Variants in SLC22A9 observed in about 807,000 individuals in gnomAD.
SLC22A9 encodes organic anion transporter 7.
In SLC22A9, 64 loss-of-function variants were observed where a neutral mutation model predicts 50.1. The observed-to-expected ratio is 1.28, with a 90% CI of 1.04 to 1.57. The LOEUF (loss-of-function observed/expected upper bound fraction) is 1.57, where lower values mean the gene tolerates loss of function less well. SLC22A9 is among the 40% of genes most tolerant of loss of function. The pLI is 0.00. For synonymous variants in SLC22A9, 261 were observed against 242.5 expected, an observed-to-expected ratio of 1.08 and a Z score of -0.71; for missense variants, 757 against 676.1, an observed-to-expected ratio of 1.12 and a Z score of -1.33.
At position 63,369,986 on chromosome 11, in the gene SLC22A9, C is replaced by A. The variant is rs2014319062; in HGVS notation, c.-71C>A. 4.8e-6 allele frequency: 7 copies of A among 1,448,328 alleles called. No homozygotes were observed. In the East Asian group the frequency reaches 1.6e-4, roughly 33 times the overall value. The allele number at this position is 1,448,328 out of a possible 1,614,324, so 89.7% of individuals were successfully genotyped here. A position where few individuals can be genotyped will look rare whatever the true frequency, so the allele number is the denominator to read the frequency against. ...TTTAGTGTGACTTAGGGAAAGAAAA[C>A]ATTTTCCCTCTTTGAACCTCTCTGG... On this transcript the variant is annotated 5_prime_UTR_variant, in exon 1 of 10. Transcript: ENST00000279178.
At position 63,370,416 on chromosome 11, in the gene SLC22A9, G is replaced by T. The variant is rs1208179251; in HGVS notation, c.360G>T (p.Trp120Cys). 4 of 1,607,212 alleles carry T rather than the reference G, an allele frequency of 2.5e-6. No individual in the cohort carries two copies. Among genetic ancestry groups the T allele is most frequent in the African/African-American group, 2.7e-5 (2 of 74,696 alleles). ...ACATGGAGCCCTGTGTGGATGGCTGGGTGTATGACAGAATCTCCTTCTCAT... is the reference window on the plus strand; with the variant it reads ...ACATGGAGCCCTGTGTGGATGGCTGTGTGTATGACAGAATCTCCTTCTCAT... The part of the protein sequence containing the change: ...DADMEPCVDG[W>C]VYDRISFSST... The change falls in exon 1 of 10, where the codon TGG (tryptophan) becomes TGT (cysteine). Residue 120 changes from tryptophan to cysteine, a missense_variant. Coordinates refer to ENST00000279178, the MANE Select transcript of SLC22A9 (RefSeq NM_080866.3).
rs187366645 is a variant in SLC22A9, at chr11:63,393,680, G to A, written c.1073+11403G>A. Among the ~76,000 whole-genome samples, 4 of 152,134 alleles carry A rather than the reference G, an allele frequency of 2.6e-5. No individual in the cohort carries two copies. In the East Asian group the frequency reaches 7.7e-4, roughly 29 times the overall value. ...GTGCTTTTCCTGCTGTTAGTCTGAT[G>A]GGGTTCCCTTTGTGGGTAACCCGAA... On this transcript the variant is annotated intron_variant, in intron 6 of 9. Transcript: ENST00000279178.
At chr11:63,385,170 T>C (rs1244227011) in intron 6 of SLC22A9, among the ~76,000 whole-genome samples, 1 of 127,642 alleles carries the variant, frequency 7.8e-6, no homozygotes, top group Non-Finnish European at 1.7e-5. Context: ...CTATGGCCAA[T>C]TTTTTTTTTG....
rs368698994 is a variant in SLC22A9, at chr11:63,370,463, G to A, written c.402+5G>A. The A allele has an allele frequency of 6.4e-7, 1 of 1,573,486 alleles. No homozygotes were observed. The highest frequency in any genetic ancestry group is 1.2e-5 in the South Asian group (1 of 82,368). On this transcript the variant is annotated splice_donor_5th_base_variant and intron_variant, in intron 1 of 9. Coordinates refer to ENST00000279178, the MANE Select transcript of SLC22A9 (RefSeq NM_080866.3). ...TCATCCACCATCGTGACTGAGGTAA[G>A]AGGCTCTGTTCTCGTCTCATGAGTA...
In SLC22A9 at chr11:63,370,375, A is replaced by C. The variant is rs368415634; in HGVS notation, c.319A>C (p.Asn107His). The C allele has an allele frequency of 1.2e-6, 2 of 1,613,924 alleles. No homozygotes were observed. Among genetic ancestry groups the C allele is most frequent in the Non-Finnish European group, 1.7e-6 (2 of 1,179,834 alleles). ...CCTTCACCTGAATGGGACCTTCCCC[A>C]ACACAAGTGACGCAGACATGGAGCC... is the stretch of plus-strand genomic sequence containing the variant. Reference protein sequence around the residue: ...QLLHLNGTFPNTSDADMEPCV... With the variant: ...QLLHLNGTFPHTSDADMEPCV... Residue 107 changes from asparagine (N) to histidine (H), a missense_variant, in exon 1 of 10, where the codon AAC (asparagine) becomes CAC (histidine). Physicochemically the swap from Asn to His is moderately conservative, Grantham distance 68 (BLOSUM62 1). Coordinates refer to ENST00000279178, the MANE Select transcript of SLC22A9 (RefSeq NM_080866.3).
At position 63,408,764 on chromosome 11, in the gene SLC22A9, C is replaced by A; in HGVS notation, c.1486C>A (p.Pro496Thr). Reference sequence around the variant, plus strand: ...GATGATCCTAAGTGTGTATTCTCCACCCCTGCCCTGGATCATCTATGGAGT... The same window carrying A: ...GATGATCCTAAGTGTGTATTCTCCAACCCTGCCCTGGATCATCTATGGAGT... Reference protein sequence around the residue: ...LMMILSVYSPPLPWIIYGVFP... With the variant: ...LMMILSVYSPTLPWIIYGVFP... Residue 496 changes from proline (P) to threonine (T), a missense_variant, in exon 9 of 10, where the codon CCC (proline) becomes ACC (threonine). Pro to Thr is a conservative substitution (Grantham distance 38). Coordinates refer to ENST00000279178, the MANE Select transcript of SLC22A9 (RefSeq NM_080866.3). The A allele has an allele frequency of 6.2e-7, 1 of 1,614,002 alleles. No homozygotes were observed. Among genetic ancestry groups the A allele is most frequent in the Non-Finnish European group, 8.5e-7 (1 of 1,179,934 alleles).
intron 6 of SLC22A9, among the ~76,000 whole-genome samples, chr11:63,386,634 A>T (rs2014674266): frequency 6.6e-6 from 1 of 151,132 alleles, no homozygotes; most frequent in African/African-American, 2.4e-5. Flanking sequence ...GTATCCTCTG[A>T]TGGTAGTTTG....
Position 63,385,933 on chromosome 11 carries a change from T to C in SLC22A9, c.1073+3656T>C, listed in dbSNP as rs1481626324. ...CAGAATGATATTGTCTGTGGGTCTGTCATAAATGGCTCTTATAATTTTAAG... is the reference window on the plus strand; with the variant it reads ...CAGAATGATATTGTCTGTGGGTCTGCCATAAATGGCTCTTATAATTTTAAG... On this transcript the variant is annotated intron_variant, in intron 6 of 9. Transcript: ENST00000279178. 3.3e-5 allele frequency among the ~76,000 whole-genome samples: 5 copies of C among 152,312 alleles called. No individual in the cohort carries two copies. In the South Asian group the frequency reaches 8.3e-4, roughly 25 times the overall value.
At chr11:63,397,425 C>T (rs2014878391) in intron 6 of SLC22A9, among the ~76,000 whole-genome samples, 1 of 152,142 alleles carries the variant, frequency 6.6e-6, no homozygotes, top group Admixed American at 6.6e-5. Context: ...CTACAGTCAG[C>T]AGTTGTCAAA....
intron 4 of SLC22A9, among the ~76,000 whole-genome samples, chr11:63,374,801 A>G (rs79454750): frequency 0.016 from 2,413 of 152,250 alleles, 63 homozygotes; most frequent in African/African-American, 0.056. Context: ...TATTGGATGA[A>G]AAGAAGGTGT....
At chr11:63,407,324 A>C (rs1225540915) in intron 7 of SLC22A9, among the ~76,000 whole-genome samples, 2 of 152,166 alleles carry the variant, frequency 1.3e-5, no homozygotes, top group Non-Finnish European at 2.9e-5. Flanking sequence ...AAATTAACTG[A>C]TCATATGTAA....
chr11:63,389,942 G>T (rs1308403157), intron 6 of SLC22A9, among the ~76,000 whole-genome samples: 1 of 152,148 alleles, frequency 6.6e-6, no homozygotes, highest in Non-Finnish European at 1.5e-5. Flanking sequence ...GTGATGATAA[G>T]CTTTTTTTCA....
At chr11:63,398,796 CACTTT>C (rs1271668870) in intron 6 of SLC22A9, among the ~76,000 whole-genome samples, 17 of 152,168 alleles carry the variant, frequency 1.1e-4, no homozygotes, top group African/African-American at 4.1e-4. Flanking sequence ...TGTGATCTCC[CACTTT>C]ATTTTTGGCT....
intron 6 of SLC22A9, 99 bp from the exon 7 acceptor site, chr11:63,406,398 C>A: frequency 9.4e-7 from 1 of 1,066,902 alleles, no homozygotes; most frequent in South Asian, 1.5e-5. Context: ...AGCCTTTATA[C>A]TTTAACAATC....
chr11:63,397,420 G>T (rs75155671), intron 6 of SLC22A9, among the ~76,000 whole-genome samples: 1,968 of 152,234 alleles, frequency 0.013, 42 homozygotes, highest in African/African-American at 0.045. Context: ...GGGCTCTACA[G>T]TCAGCAGTTG....
rs71065364 is a variant in SLC22A9, at chr11:63,386,434, C to CTTTTTTTTTTTTTTTT, written c.1073+4176_1073+4191dup. Among the ~76,000 whole-genome samples the CTTTTTTTTTTTTTTTT allele has an allele frequency of 7.8e-4, 26 of 33,506 alleles. 4 individuals carry two copies. The highest frequency in any genetic ancestry group is 4.3e-3 in the African/African-American group (24 of 5,634). The allele number at this position is 33,506 out of a possible 152,430, so 22.0% of individuals were successfully genotyped here. A position where few individuals can be genotyped will look rare whatever the true frequency, so the allele number is the denominator to read the frequency against. Reference sequence around the variant, plus strand: ...AGCTATAAATCCACGTGGACCTGGACTTTTTTTTTTTTTTTTTTTTTTTTT... The same window carrying CTTTTTTTTTTTTTTTT: ...AGCTATAAATCCACGTGGACCTGGACTTTTTTTTTTTTTTTTTTTTTTTTTTTTTTTTTTTTTTTTT... On this transcript the variant is annotated intron_variant, in intron 6 of 9. Transcript: ENST00000279178.
At chr11:63,387,298 C>T (rs2014686350) in intron 6 of SLC22A9, among the ~76,000 whole-genome samples, 1 of 151,876 alleles carries the variant, frequency 6.6e-6, no homozygotes, top group Non-Finnish European at 1.5e-5. Flanking sequence ...GAATTTAATC[C>T]ATTTTGATTT....
At chr11:63,389,623 A>G (rs1467244549) in intron 6 of SLC22A9, among the ~76,000 whole-genome samples, 1 of 152,166 alleles carries the variant, frequency 6.6e-6, no homozygotes, top group Non-Finnish European at 1.5e-5. Context: ...ACTACTGTAA[A>G]TAGTGCTGCG....
At chr11:63,403,374 A>C (rs1166692758) in intron 6 of SLC22A9, among the ~76,000 whole-genome samples, 1 of 152,094 alleles carries the variant, frequency 6.6e-6, no homozygotes, top group Non-Finnish European at 1.5e-5. Flanking sequence ...TGTATCTTGC[A>C]TACCATCCCT....
Sources: allele counts gnomAD v4.1 joint callset (sites outside exome capture counted in the v4.1 genomes callset), GRCh38; gene constraint gnomAD v4.1.1; transcripts MANE v1.5; gene names NCBI Gene and HGNC (gene_info 2026-07-23, HGNC 2026-07-21).